Variants in ANPEP observed in about 807,000 individuals in gnomAD.
The protein encoded by ANPEP is aminopeptidase N.
ANPEP carries 70 observed loss-of-function variants against 114.6 expected under a neutral mutation model. That is an observed-to-expected ratio of 0.61 (90% confidence interval 0.50 to 0.75). The LOEUF (loss-of-function observed/expected upper bound fraction) is 0.75, where lower values mean the gene tolerates loss of function less well. Among genes scored for constraint, ANPEP ranks in the 30% least tolerant of loss-of-function variants. The probability of loss-of-function intolerance (pLI) is 0.00; values close to 1 mark genes in which losing one functional copy is unlikely to be tolerated. For missense variants in ANPEP, 1,184 were observed against 1,259.5 expected (o/e 0.94, Z 0.91); for synonymous variants, 548 against 522.3 (o/e 1.05, Z -0.67).
At chr15:89,796,705 C>A (rs1425957837) in intron 15 of ANPEP, among the ~76,000 whole-genome samples, 1 of 151,786 alleles carries the variant, frequency 6.6e-6, no homozygotes, top group Non-Finnish European at 1.5e-5. Context: ...CCGTGTTAGC[C>A]AGGATGGTCT....
intron 2 of ANPEP, 125 bp from the exon 3 acceptor site, chr15:89,805,588 G>T (rs1247811809): frequency 7.4e-6 from 10 of 1,348,438 alleles, no homozygotes; most frequent in Non-Finnish European, 9.0e-6. Flanking sequence ...CCCTGCTCCT[G>T]CTCCCACCCC....
chr15:89,790,589 G>A (rs767821671), intron 19 of ANPEP, 48 bp from the exon 20 acceptor site: 1 of 1,527,558 alleles, frequency 6.5e-7, no homozygotes. Flanking sequence ...GGGAACTAAG[G>A]AGGCTCATCC....
chr15:89,792,694 T>C, intron 16 of ANPEP, 132 bp from the exon 17 acceptor site: 1 of 763,510 alleles, frequency 1.3e-6, no homozygotes, highest in African/African-American at 1.7e-5. Flanking sequence ...CCCCGCTGTA[T>C]GTGCTTTGTG....
At chr15:89,791,466 C>G (rs1272286116) in intron 18 of ANPEP, among the ~76,000 whole-genome samples, 1 of 151,978 alleles carries the variant, frequency 6.6e-6, no homozygotes, top group Non-Finnish European at 1.5e-5. Context: ...GAGACGGAGT[C>G]TCACTCTGTC....
rs749043136 is a variant in ANPEP at position 89,806,491 on chromosome 15, C to T, written c.93G>A (p.Val31=). The T allele has an allele frequency of 4.3e-6, 7 of 1,614,034 alleles. 1 individual carries two copies. In the South Asian group the frequency reaches 6.6e-5, roughly 15 times the overall value. The change falls in exon 2 of 21, where the codon GTG becomes GTA. Residue 31 remains valine (V), a synonymous_variant. Transcript: ENST00000300060. The surrounding 1 kb of genome is among the most constrained non-coding windows in gnomAD (Gnocchi z 5.7). ...AAVCTIIALS[V]VYSQEKNKNA... ...TCTTGTTCTTCTCCTGGGAGTACAC[C>T]ACTGACAGTGCGATGATTGTGCACA...
rs768241526 is a variant in ANPEP, at chr15:89,785,089, C to A, written c.*260G>T. On this transcript the variant is annotated 3_prime_UTR_variant, in exon 21 of 21. Transcript: ENST00000300060. ...GAGCTGGGCTTCCCTGAGATCAGCCCCAGGGCACTGGGCGACAGGTGCCAT... is the reference window on the plus strand; with the variant it reads ...GAGCTGGGCTTCCCTGAGATCAGCCACAGGGCACTGGGCGACAGGTGCCAT... 1.3e-5 allele frequency: 6 copies of A among 460,252 alleles called. No homozygotes were observed. The highest frequency in any genetic ancestry group is 2.4e-5 in the Non-Finnish European group (6 of 252,056). 28.5% of individuals were successfully genotyped at this position (460,252 alleles called of 1,614,324 possible).
At chr15:89,790,063 AAAAAATAAAAAATAAAAAAAAT>A (rs1651033769) in intron 20 of ANPEP, among the ~76,000 whole-genome samples, 1 of 84,624 alleles carries the variant, frequency 1.2e-5, no homozygotes, top group South Asian at 4.3e-4. Flanking sequence ...CATCTCAAAA[AAAAAATAAAAAATAAAAAAAAT>A]AAAAGAATGC....
At chr15:89,811,331 C>T (rs907201863) in intron 1 of ANPEP, among the ~76,000 whole-genome samples, 2 of 152,120 alleles carry the variant, frequency 1.3e-5, no homozygotes, top group Non-Finnish European at 2.9e-5. Context: ...TTTATATTAA[C>T]AATTCATGAC....
chr15:89,793,341 T>A (rs1968669140), intron 15 of ANPEP, among the ~76,000 whole-genome samples: 1 of 152,178 alleles, frequency 6.6e-6, no homozygotes, highest in East Asian at 1.9e-4. Flanking sequence ...TCAGTTGCAA[T>A]ATTCTTTGTC....
intron 1 of ANPEP, among the ~76,000 whole-genome samples, chr15:89,807,974 C>A (rs1316395592): frequency 1.2e-4 from 18 of 152,160 alleles, no homozygotes; most frequent in Non-Finnish European, 2.9e-5. Context: ...CACAGCAGCG[C>A]CCCTATGGAC....
In ANPEP at chr15:89,806,464, G is replaced by A. The variant is rs568774558; in HGVS notation, c.120C>T (p.Asn40=). The A allele has an allele frequency of 7.7e-5, 124 of 1,614,094 alleles. No individual in the cohort carries two copies. The highest frequency in any genetic ancestry group is 2.1e-4 in the African/African-American group (16 of 75,008). Residue 40 remains asparagine, a synonymous_variant, in exon 2 of 21, where the codon AAC becomes AAT. Coordinates refer to ENST00000300060, the MANE Select transcript of ANPEP (RefSeq NM_001150.3). The surrounding 1 kb of genome is among the most constrained non-coding windows in gnomAD (Gnocchi z 5.7). Reference sequence around the variant, plus strand: ...TGGAGGCCACGGGGGAGCTGTTGGCGTTCTTGTTCTTCTCCTGGGAGTACA... The same window carrying A: ...TGGAGGCCACGGGGGAGCTGTTGGCATTCTTGTTCTTCTCCTGGGAGTACA... The part of the protein sequence containing the change: ...SVVYSQEKNK[N]ANSSPVASTT...
chr15:89,790,585 T>C, intron 19 of ANPEP, 44 bp from the exon 20 acceptor site: 1 of 1,541,766 alleles, frequency 6.5e-7, no homozygotes, highest in Non-Finnish European at 9.0e-7. Context: ...GGCCGGGAAC[T>C]AAGGAGGCTC....
At chr15:89,808,444 A>G (rs1894762938) in intron 1 of ANPEP, among the ~76,000 whole-genome samples, 2 of 152,228 alleles carry the variant, frequency 1.3e-5, no homozygotes, top group Non-Finnish European at 2.9e-5. Flanking sequence ...GCAGGGCCTC[A>G]CCAGCACTTA....
At chr15:89,790,820 C>A in intron 19 of ANPEP, 133 bp downstream of exon 19, 2 of 1,196,606 alleles carry the variant, frequency 1.7e-6, no homozygotes, top group Non-Finnish European at 2.3e-6. Context: ...TCCTGCCCCA[C>A]CCTAGCCCCC....
chr15:89,810,111 G>A (rs1305843904), intron 1 of ANPEP, among the ~76,000 whole-genome samples: 12 of 152,152 alleles, frequency 7.9e-5, no homozygotes, highest in Non-Finnish European at 1.5e-5. Flanking sequence ...TGAGCGCGGT[G>A]GCTCATGCCT....
chr15:89,788,692 C>T (rs574780325), intron 20 of ANPEP, among the ~76,000 whole-genome samples: 26 of 152,282 alleles, frequency 1.7e-4, no homozygotes, highest in Non-Finnish European at 3.4e-4. Context: ...CCTCTGCCTT[C>T]CTGGTTCAAG....
intron 1 of ANPEP, among the ~76,000 whole-genome samples, chr15:89,813,990 C>CCGGGG (rs1567164958): frequency 1.1e-5 from 1 of 93,846 alleles, no homozygotes; most frequent in African/African-American, 8.0e-5. Context: ...CACCGCACTG[C>CCGGGG]TGGGGGGGGG....
intron 20 of ANPEP, among the ~76,000 whole-genome samples, chr15:89,790,007 C>T (rs937075317): frequency 4.1e-5 from 6 of 147,020 alleles, no homozygotes; most frequent in Admixed American, 3.5e-4. Flanking sequence ...TGCAGTGAGC[C>T]CAGATCGCAC....
chr15:89,813,983 C>T (rs1405478956), intron 1 of ANPEP, among the ~76,000 whole-genome samples: 2 of 127,310 alleles, frequency 1.6e-5, no homozygotes, highest in Non-Finnish European at 3.2e-5. Context: ...CCCTGCCCAC[C>T]GCACTGCTGG....
Sources: allele counts gnomAD v4.1 joint callset (sites outside exome capture counted in the v4.1 genomes callset), GRCh38; gene constraint gnomAD v4.1.1; non-coding constraint Gnocchi (gnomAD v3.1); transcripts MANE v1.5; gene names NCBI Gene and HGNC (gene_info 2026-07-23, HGNC 2026-07-21).